Variants in ZFHX3 observed in about 807,000 individuals in gnomAD.
ZFHX3 encodes the protein zinc finger homeobox 3.
ZFHX3 carries 42 observed loss-of-function variants against 279.1 expected under a neutral mutation model. The observed-to-expected ratio is 0.15, with a 90% CI of 0.12 to 0.19. The LOEUF (loss-of-function observed/expected upper bound fraction) is 0.19, where lower values mean the gene tolerates loss of function less well. Ranked by LOEUF, ZFHX3 falls within the 10% of genes least tolerant of loss-of-function variation. ZFHX3 has a pLI of 1.00. For synonymous variants in ZFHX3, 2,293 were observed against 1,957.8 expected (o/e 1.17, Z -4.52); for missense variants, 4,981 against 4,754.0 (o/e 1.05, Z -1.40).
At chr16:73,760,310 A>T (rs1351937445) in intron 1 of ZFHX3, among the ~76,000 whole-genome samples, 1 of 152,202 alleles carries the variant, frequency 6.6e-6, no homozygotes. Context: ...CCTACCAATC[A>T]AAAAATGCCG....
At chr16:72,903,899 A>G (rs1044998854) in intron 3 of ZFHX3, among the ~76,000 whole-genome samples, 7 of 152,188 alleles carry the variant, frequency 4.6e-5, no homozygotes, top group Non-Finnish European at 4.4e-5. Context: ...GCTGTCCCCA[A>G]GCCCCAGGCT....
intron 1 of ZFHX3, among the ~76,000 whole-genome samples, chr16:73,758,143 A>G (rs1425068327): frequency 6.6e-6 from 1 of 152,146 alleles, no homozygotes; most frequent in South Asian, 2.1e-4. Context: ...ATTCTTCCCA[A>G]AGGGGCCCAT....
intron 6 of ZFHX3, among the ~76,000 whole-genome samples, chr16:73,132,975 C>G (rs747885280): frequency 6.6e-6 from 1 of 152,178 alleles, no homozygotes; most frequent in Non-Finnish European, 1.5e-5. Flanking sequence ...TATGGATCAC[C>G]AAAGAGTGCT....
At chr16:73,150,949 T>A (rs943110171) in intron 5 of ZFHX3, among the ~76,000 whole-genome samples, 2 of 152,126 alleles carry the variant, frequency 1.3e-5, no homozygotes, top group African/African-American at 4.8e-5. Context: ...GAAACCGGCA[T>A]CACTCAAACA....
chr16:73,798,362 A>C (rs2142323026), intron 1 of ZFHX3, among the ~76,000 whole-genome samples: 1 of 152,054 alleles, frequency 6.6e-6, no homozygotes, highest in South Asian at 2.1e-4. Context: ...ATGGGTGAGA[A>C]GTTAACAAGG....
At chr16:73,342,470 C>T (rs1314638921) in intron 3 of ZFHX3, among the ~76,000 whole-genome samples, 1 of 152,190 alleles carries the variant, frequency 6.6e-6, no homozygotes, top group Non-Finnish European at 1.5e-5. Context: ...TGCAATCAGA[C>T]AGTGCGGTAC....
intron 5 of ZFHX3, among the ~76,000 whole-genome samples, chr16:73,198,702 A>G (rs1968205307): frequency 6.6e-6 from 1 of 152,190 alleles, no homozygotes; most frequent in South Asian, 2.1e-4. Flanking sequence ...AACTTCCTTA[A>G]TATGCCAGAG....
chr16:73,653,322 T>A (rs987202468), intron 2 of ZFHX3, among the ~76,000 whole-genome samples: 4 of 152,138 alleles, frequency 2.6e-5, no homozygotes, highest in African/African-American at 4.8e-5. Context: ...CTTACAAAAA[T>A]TCACCATATG....
chr16:73,574,530 T>G (rs960303051), intron 2 of ZFHX3, among the ~76,000 whole-genome samples: 2 of 152,112 alleles, frequency 1.3e-5, no homozygotes, highest in Admixed American at 6.6e-5. Context: ...TTTAAAGAAT[T>G]CCCCAGATGA....
chr16:73,120,650 C>CTTTTTT (rs1174733016), intron 7 of ZFHX3, among the ~76,000 whole-genome samples: 6 of 110,720 alleles, frequency 5.4e-5, no homozygotes, highest in Admixed American at 1.9e-4. Context: ...TCCTCTCTAC[C>CTTTTTT]TTTTTTTTTT....
At chr16:73,422,360 C>G (rs2017733946) in intron 3 of ZFHX3, among the ~76,000 whole-genome samples, 1 of 152,178 alleles carries the variant, frequency 6.6e-6, no homozygotes, top group African/African-American at 2.4e-5. Flanking sequence ...TGAAACTAAT[C>G]TTCCTCCCAC....
Position 73,057,535 on chromosome 16 carries a change from C to CA in ZFHX3, c.-24+994dup, listed in dbSNP as rs60945619. 8.8e-3 allele frequency among the ~76,000 whole-genome samples: 1,099 copies of CA among 125,216 alleles called. 9 individuals are homozygous for CA. The highest frequency in any genetic ancestry group is 0.032 in the Middle Eastern group (8 of 252). The allele number at this position is 125,216 out of a possible 152,430, so 82.1% of individuals were successfully genotyped here. A position where few individuals can be genotyped will look rare whatever the true frequency, so the allele number is the denominator to read the frequency against. The stretch of plus-strand genomic sequence containing the variant: ...GTAAACAATCCCAGATTCGCGAGAG[C>CA]AAAAAAAAAAAAAAAGAAGAAGAAG... On this transcript the variant is annotated intron_variant, in intron 1 of 8. Coordinates refer to the ZFHX3 transcript ENST00000397992.
chr16:73,723,463 T>C (rs575815165), intron 1 of ZFHX3, among the ~76,000 whole-genome samples: 9 of 152,262 alleles, frequency 5.9e-5, no homozygotes, highest in African/African-American at 1.2e-4. Flanking sequence ...TTGAAGATTA[T>C]TGAGTAAAGA....
chr16:73,464,655 A>G (rs2018532458), intron 2 of ZFHX3, among the ~76,000 whole-genome samples: 1 of 152,076 alleles, frequency 6.6e-6, no homozygotes, highest in South Asian at 2.1e-4. Context: ...GGAGAGCTTC[A>G]ATTTTACTAT....
At chr16:72,937,517 G>A (rs1191660266) in intron 3 of ZFHX3, among the ~76,000 whole-genome samples, 1 of 152,220 alleles carries the variant, frequency 6.6e-6, no homozygotes, top group African/African-American at 2.4e-5. Context: ...GGGACATGGT[G>A]AGTCAACTCC....
chr16:73,512,420 C>A, intron 2 of ZFHX3, among the ~76,000 whole-genome samples: 1 of 148,182 alleles, frequency 6.7e-6, no homozygotes. Context: ...TGCACTCCAG[C>A]CTGGCAACAG....
chr16:73,801,495 A>T lies in ZFHX3; in HGVS notation c.-1608+90156T>A, dbSNP rs563363290. The stretch of plus-strand genomic sequence containing the variant: ...ATTCTGCCAGCCAGGAGACAGCATA[A>T]ACCAGGAAAGAATGGACTAGATCAA... On this transcript the variant is annotated intron_variant, in intron 1 of 17. Transcript: ENST00000641206. Among the ~76,000 whole-genome samples the T allele has an allele frequency of 2.2e-4, 34 of 152,350 alleles. 1 individual carries two copies. The East Asian group carries it at 3.7e-3, about 16-fold the overall frequency.
chr16:72,864,878 T>C lies in ZFHX3; in HGVS notation c.3448+24853A>G, dbSNP rs552251568. Among the ~76,000 whole-genome samples the C allele has an allele frequency of 8.5e-5, 13 of 152,342 alleles. No individual in the cohort carries two copies. The East Asian group carries it at 2.5e-3, about 29-fold the overall frequency. ...GCAATCTAATGGAAGTGTTGTTCAATTTATGAGCCGTGATGATGCCACCTG... is the reference window on the plus strand; with the variant it reads ...GCAATCTAATGGAAGTGTTGTTCAACTTATGAGCCGTGATGATGCCACCTG... On this transcript the variant is annotated intron_variant, in intron 4 of 9. Coordinates refer to ENST00000268489, the MANE Select transcript of ZFHX3 (RefSeq NM_006885.4).
At chr16:73,042,534 G>A (rs1003497478) in intron 1 of ZFHX3, among the ~76,000 whole-genome samples, 2 of 152,004 alleles carry the variant, frequency 1.3e-5, no homozygotes, top group African/African-American at 4.8e-5. Flanking sequence ...GACCCCTCCA[G>A]TGTGTAAGCC....
Sources: allele counts gnomAD v4.1 joint callset (sites outside exome capture counted in the v4.1 genomes callset), GRCh38; gene constraint gnomAD v4.1.1; transcripts MANE v1.5; gene names NCBI Gene and HGNC (gene_info 2026-07-23, HGNC 2026-07-21).